PDE4D: variants seen among roughly 807,000 people sequenced by gnomAD.
PDE4D encodes the protein phosphodiesterase 4D.
PDE4D carries 24 observed loss-of-function variants against 87.4 expected under a neutral mutation model. The ratio of observed to expected loss-of-function variants is 0.27; its 90% confidence interval spans 0.20 to 0.39. PDE4D has a LOEUF of 0.39. Ranked by LOEUF, PDE4D falls within the 10% of genes least tolerant of loss-of-function variation. The pLI, the probability that PDE4D is intolerant of heterozygous loss-of-function variation, is 1.00. For missense variants in PDE4D, 714 were observed against 1,041.0 expected (o/e 0.69, Z 4.32); for synonymous variants, 384 against 383.2 (o/e 1.00, Z -0.02).
intron 1 of PDE4D, among the ~76,000 whole-genome samples, chr5:59,822,747 G>A (rs1216096788): frequency 6.6e-6 from 1 of 152,120 alleles, no homozygotes; most frequent in Non-Finnish European, 1.5e-5. Context: ...AGCTTTATAC[G>A]TGGCCTAAAA....
intron 1 of PDE4D, among the ~76,000 whole-genome samples, chr5:60,404,568 T>C (rs1741380941): frequency 6.6e-6 from 1 of 152,198 alleles, no homozygotes; most frequent in Non-Finnish European, 1.5e-5. Flanking sequence ...CATGTGGCTA[T>C]TGAGCCCTGG....
chr5:59,025,494 A>G (rs545812892), intron 6 of PDE4D, among the ~76,000 whole-genome samples: 3 of 152,308 alleles, frequency 2.0e-5, no homozygotes, highest in South Asian at 4.1e-4. Flanking sequence ...GTATTTTTGC[A>G]TGGTTCTTTT....
At chr5:59,897,622 C>T (rs1751799639), upstream of PDE4D, among the ~76,000 whole-genome samples, 1 of 151,786 alleles carries the variant, frequency 6.6e-6, no homozygotes, top group Admixed American at 6.6e-5. Context: ...CCCCGACAGG[C>T]CCCAGTGTGT....
chr5:59,783,687 G>T (rs1451634847), intron 1 of PDE4D, among the ~76,000 whole-genome samples: 1 of 152,186 alleles, frequency 6.6e-6, no homozygotes, highest in African/African-American at 2.4e-5. Context: ...CCATTCAGAT[G>T]TGTTTATTTA....
Position 60,418,340 on chromosome 5 carries a change from G to C in PDE4D, c.-90+69602C>G, listed in dbSNP as rs914607986. ...AAGCACAAAAAGGGGAGAATAATTTGAAAATCAGACTGACTAAAATGGAAA... is the reference window on the plus strand; with the variant it reads ...AAGCACAAAAAGGGGAGAATAATTTCAAAATCAGACTGACTAAAATGGAAA... On this transcript the variant is annotated intron_variant, in intron 1 of 16. Transcript: ENST00000502484. Among the ~76,000 whole-genome samples, 5 of 152,016 alleles carry C rather than the reference G, an allele frequency of 3.3e-5. No individual in the cohort carries two copies. In the East Asian group the frequency reaches 5.8e-4, roughly 18 times the overall value.
chr5:59,223,634 A>G (rs1420217380), intron 1 of PDE4D, among the ~76,000 whole-genome samples: 2 of 152,200 alleles, frequency 1.3e-5, no homozygotes, highest in African/African-American at 4.8e-5. Flanking sequence ...TGCCACTGAT[A>G]CTTCTCTATT....
chr5:59,739,682 T>G (rs1306778011), intron 1 of PDE4D, among the ~76,000 whole-genome samples: 1 of 152,186 alleles, frequency 6.6e-6, no homozygotes, highest in Non-Finnish European at 1.5e-5. Flanking sequence ...CTGCTAACAG[T>G]CTCTGAAAAG....
chr5:59,107,123 T>A (rs79942392), intron 5 of PDE4D, among the ~76,000 whole-genome samples: 7,122 of 151,992 alleles, frequency 0.047, 549 homozygotes, highest in African/African-American at 0.16. Flanking sequence ...GTGTGTGTGC[T>A]TGTGTGTGTG....
intron 1 of PDE4D, among the ~76,000 whole-genome samples, chr5:59,307,474 T>C (rs1344870415): frequency 1.3e-5 from 2 of 152,084 alleles, no homozygotes; most frequent in Non-Finnish European, 2.9e-5. Flanking sequence ...GACAAAGGGC[T>C]AACATCCAGA....
intron 1 of PDE4D, among the ~76,000 whole-genome samples, chr5:59,269,708 T>G (rs567594303): frequency 6.6e-6 from 1 of 152,060 alleles, no homozygotes; most frequent in Non-Finnish European, 1.5e-5. Flanking sequence ...CAGTGGCTGT[T>G]TTATTGTTTT....
intron 2 of PDE4D, among the ~76,000 whole-genome samples, chr5:60,180,880 G>GA (rs1784325300): frequency 6.6e-6 from 1 of 152,126 alleles, no homozygotes; most frequent in East Asian, 1.9e-4. Flanking sequence ...GAATACCAGT[G>GA]AAAAAAATCA....
At chr5:60,517,745 A>G (rs1583975380) in intron 1 of PDE4D, among the ~76,000 whole-genome samples, 1 of 152,168 alleles carries the variant, frequency 6.6e-6, no homozygotes, top group South Asian at 2.1e-4. Flanking sequence ...CCGTCGCTCA[A>G]TAAAGTTCCT....
At chr5:59,636,330 C>T (rs1832236901) in intron 1 of PDE4D, among the ~76,000 whole-genome samples, 1 of 152,126 alleles carries the variant, frequency 6.6e-6, no homozygotes, top group Admixed American at 6.6e-5. Flanking sequence ...AGATTCAATG[C>T]TATTCCCATC....
intron 1 of PDE4D, among the ~76,000 whole-genome samples, chr5:59,832,466 A>T (rs1165858763): frequency 6.6e-6 from 1 of 152,068 alleles, no homozygotes; most frequent in African/African-American, 2.4e-5. Flanking sequence ...TCACATTAGG[A>T]TGTCAGTAGC....
At chr5:60,328,615 T>C (rs537708205) in intron 1 of PDE4D, among the ~76,000 whole-genome samples, 1 of 152,336 alleles carries the variant, frequency 6.6e-6, no homozygotes, top group East Asian at 1.9e-4. Context: ...CAAATAATGC[T>C]GGTATAAAGA....
At chr5:59,154,501 G>A (rs969712835) in intron 5 of PDE4D, among the ~76,000 whole-genome samples, 2 of 152,100 alleles carry the variant, frequency 1.3e-5, no homozygotes, top group Non-Finnish European at 2.9e-5. Context: ...TAATTCAGGG[G>A]AGAGTTGGTG....
At chr5:59,782,481 T>C (rs989957459) in intron 1 of PDE4D, among the ~76,000 whole-genome samples, 2 of 152,206 alleles carry the variant, frequency 1.3e-5, no homozygotes, top group South Asian at 2.1e-4. Context: ...AAGCCATATA[T>C]TACTTTTATA....
At chr5:59,709,067 T>C (rs1753840996) in intron 1 of PDE4D, among the ~76,000 whole-genome samples, 1 of 152,120 alleles carries the variant, frequency 6.6e-6, no homozygotes, top group Non-Finnish European at 1.5e-5. Context: ...CTACTTCTTC[T>C]ACCCACTCAA....
intron 2 of PDE4D, among the ~76,000 whole-genome samples, chr5:60,124,422 T>G (rs937836687): frequency 6.6e-6 from 1 of 152,134 alleles, no homozygotes; most frequent in East Asian, 1.9e-4. Context: ...TAACAGCTTC[T>G]GCTCTATCCT....
Sources: allele counts gnomAD v4.1 joint callset (sites outside exome capture counted in the v4.1 genomes callset), GRCh38; gene constraint gnomAD v4.1.1; transcripts MANE v1.5; gene names NCBI Gene and HGNC (gene_info 2026-07-23, HGNC 2026-07-21).